Variants in AGMO observed in about 807,000 individuals in gnomAD.
AGMO encodes glyceryl-ether monooxygenase.
AGMO carries 75 observed loss-of-function variants against 60.2 expected under a neutral mutation model. That is an observed-to-expected ratio of 1.25 (90% CI 1.03 to 1.51). AGMO has a LOEUF of 1.51. Ranked by LOEUF, AGMO falls within the 40% of genes most tolerant of loss-of-function variation. AGMO has a pLI of 0.00. For synonymous variants in AGMO, 261 were observed against 177.1 expected (o/e 1.47, Z -3.76); for missense variants, 763 against 525.5 (o/e 1.45, Z -4.42).
At chr7:15,406,228 TACACACAC>T (rs61400312) in intron 5 of AGMO, among the ~76,000 whole-genome samples, 1 of 136,400 alleles carries the variant, frequency 7.3e-6, no homozygotes, top group South Asian at 2.3e-4. Context: ...TTGTTTGGAA[TACACACAC>T]ACACACACAC....
In AGMO at chr7:15,406,591, T is replaced by A. The variant is rs1784701423; in HGVS notation, c.609+11967A>T. ...ACACACACACACACACACACACACG[T>A]ATATTCCATATAAGTACACATGTAC... On this transcript the variant is annotated intron_variant, in intron 5 of 12. Transcript: ENST00000342526. Among the ~76,000 whole-genome samples, 3 of 84,248 alleles carry A rather than the reference T, an allele frequency of 3.6e-5. 1 individual carries two copies. The highest frequency in any genetic ancestry group is 5.1e-5 in the African/African-American group (1 of 19,732). 55.3% of individuals were successfully genotyped at this position (84,248 alleles called of 152,430 possible).
chr7:15,276,906 T>A (rs63327560), intron 12 of AGMO, among the ~76,000 whole-genome samples: 9 of 139,830 alleles, frequency 6.4e-5, no homozygotes, highest in Admixed American at 2.2e-4. Context: ...TTTTTTTTTT[T>A]AAGATATCTA....
chr7:15,452,067 A>G (rs1014731174), intron 3 of AGMO, among the ~76,000 whole-genome samples: 6 of 152,170 alleles, frequency 3.9e-5, no homozygotes, highest in Non-Finnish European at 8.8e-5. Flanking sequence ...GGATTCAAAT[A>G]TACAAGTACA....
At chr7:15,559,941 TA>T (rs1785257583) in intron 2 of AGMO, among the ~76,000 whole-genome samples, 199 bp downstream of exon 2, 1 of 152,044 alleles carries the variant, frequency 6.6e-6, no homozygotes, top group Non-Finnish European at 1.5e-5. Context: ...TCAAGATAAA[TA>T]ATGTTTGCGG....
intron 12 of AGMO, among the ~76,000 whole-genome samples, chr7:15,354,496 GTA>G (rs60044874): frequency 0.036 from 665 of 18,668 alleles, 18 homozygotes; most frequent in South Asian, 0.043. Flanking sequence ...ATACACACGT[GTA>G]TATATATATA....
chr7:15,356,233 A>G (rs1314531293), intron 12 of AGMO, among the ~76,000 whole-genome samples: 1 of 152,194 alleles, frequency 6.6e-6, no homozygotes, highest in African/African-American at 2.4e-5. Flanking sequence ...CATACATGCA[A>G]TGTGCACTAG....
At chr7:15,139,047 T>G in the AGMO span, among the ~76,000 whole-genome samples, 1 of 152,164 alleles carries the variant, frequency 6.6e-6, no homozygotes, top group Non-Finnish European at 1.5e-5. Flanking sequence ...TATCTGTGTC[T>G]TCCTATCTGC....
At chr7:15,131,163 A>C in the AGMO span, among the ~76,000 whole-genome samples, 13 of 152,162 alleles carry the variant, frequency 8.5e-5, no homozygotes. Context: ...GTCTCGGTTT[A>C]AACAATGATT....
At chr7:15,434,459 G>T (rs1450497808) in intron 3 of AGMO, among the ~76,000 whole-genome samples, 1 of 152,074 alleles carries the variant, frequency 6.6e-6, no homozygotes, top group Non-Finnish European at 1.5e-5. Context: ...TGTGTCTTGG[G>T]TGTCCTCTCA....
At position 15,560,232 on chromosome 7, in the gene AGMO, C is replaced by T; in HGVS notation, c.166G>A (p.Val56Ile). 6.2e-7 allele frequency: 1 copy of T among 1,612,758 alleles called. No individual in the cohort carries two copies. Among genetic ancestry groups the T allele is most frequent in the Non-Finnish European group, 8.5e-7 (1 of 1,179,144 alleles). ...TTTCCTTTGAGAATCCAGCTGACAACAAGTTCAAGCAGCATCAAAGAAATG... is the reference window on the plus strand; with the variant it reads ...TTTCCTTTGAGAATCCAGCTGACAATAAGTTCAAGCAGCATCAAAGAAATG... Reference protein sequence around the residue: ...FFISLMLLELVVSWILKGKPP... With the variant: ...FFISLMLLELIVSWILKGKPP... The change falls in exon 2 of 13, where the codon GTT (valine) becomes ATT (isoleucine). Residue 56 changes from valine to isoleucine, a missense_variant. Physicochemically the swap from Val to Ile is conservative, Grantham distance 29. Coordinates refer to ENST00000342526, the MANE Select transcript of AGMO (RefSeq NM_001004320.2).
chr7:15,354,434 GTGTA>G lies in AGMO; in HGVS notation c.1263+11076_1263+11079del, dbSNP rs1782413402. 6.2e-4 allele frequency among the ~76,000 whole-genome samples: 14 copies of G among 22,538 alleles called. 2 individuals carry two copies. The highest frequency in any genetic ancestry group is 1.3e-4 in the Non-Finnish European group (2 of 15,854). The allele number at this position is 22,538 out of a possible 152,430, so 14.8% of individuals were successfully genotyped here. Reference sequence around the variant, plus strand: ...CACGTGTGTGTATACACACACGTGTGTGTATACACACGTGTGTGTATACACACGT... The same window carrying G: ...CACGTGTGTGTATACACACACGTGTGTACACACGTGTGTGTATACACACGT... On this transcript the variant is annotated intron_variant, in intron 12 of 12. Coordinates refer to ENST00000342526, the MANE Select transcript of AGMO (RefSeq NM_001004320.2).
At chr7:15,358,864 C>T (rs796596961) in intron 12 of AGMO, among the ~76,000 whole-genome samples, 32 of 152,052 alleles carry the variant, frequency 2.1e-4, no homozygotes, top group African/African-American at 7.5e-4. Flanking sequence ...GGGATGATGA[C>T]CTAAATGTAA....
the AGMO span, among the ~76,000 whole-genome samples, chr7:15,120,762 TC>T: frequency 6.6e-5 from 10 of 151,970 alleles, no homozygotes; most frequent in Admixed American, 5.9e-4. Context: ...TTTCTTTCTT[TC>T]TTTTTTTTCT....
At chr7:15,206,489 C>G (rs75856101) in intron 12 of AGMO, among the ~76,000 whole-genome samples, 1,676 of 152,132 alleles carry the variant, frequency 0.011, 40 homozygotes, top group African/African-American at 0.039. Context: ...ACAATCACAG[C>G]TATGTTTAAT....
intron 3 of AGMO, among the ~76,000 whole-genome samples, chr7:15,458,272 T>C (rs761202786): frequency 7.9e-5 from 12 of 152,130 alleles, no homozygotes; most frequent in Non-Finnish European, 1.3e-4. Context: ...GTAGCAAAAA[T>C]CGGCATTAAT....
intron 3 of AGMO, among the ~76,000 whole-genome samples, chr7:15,459,329 G>A (rs73288499): frequency 0.16 from 23,950 of 152,002 alleles, 2,109 homozygotes; most frequent in African/African-American, 0.22. Context: ...CAAAAACAGC[G>A]TAAGTGATGC....
rs1432364787 is a variant in AGMO, at chr7:15,544,811, C to T, written c.370G>A (p.Val124Ile). The T allele has an allele frequency of 6.2e-7, 1 of 1,608,382 alleles. No individual in the cohort carries two copies. Among genetic ancestry groups the T allele is most frequent in the Admixed American group, 1.7e-5 (1 of 59,116 alleles). The change falls in exon 3 of 13, where the codon GTT (valine) becomes ATT (isoleucine). Residue 124 changes from valine (V) to isoleucine (I), a missense_variant. Val to Ile is a conservative substitution (Grantham distance 29). Transcript: ENST00000342526. Reference sequence around the variant, plus strand: ...TGGAACCAGTAGTAGCCAAAGTCAACTCCTAAGAAGGCTGAATACCAAGTC... The same window carrying T: ...TGGAACCAGTAGTAGCCAAAGTCAATTCCTAAGAAGGCTGAATACCAAGTC... ...PWTWYSAFLGVDFGYYWFHRM... is the reference protein window; with the variant it reads ...PWTWYSAFLGIDFGYYWFHRM...
chr7:15,253,127 G>C (rs1322785212), intron 12 of AGMO, among the ~76,000 whole-genome samples: 2 of 152,114 alleles, frequency 1.3e-5, no homozygotes, highest in Non-Finnish European at 2.9e-5. Context: ...GTTTTGAGAT[G>C]AAAGAAATAA....
chr7:15,317,060 C>CCA (rs1780947792), intron 12 of AGMO, among the ~76,000 whole-genome samples: 1 of 151,880 alleles, frequency 6.6e-6, no homozygotes. Flanking sequence ...AAAAATACTT[C>CCA]CAGTTTACAA....
Sources: allele counts gnomAD v4.1 joint callset (sites outside exome capture counted in the v4.1 genomes callset), GRCh38; gene constraint gnomAD v4.1.1; transcripts MANE v1.5; gene names NCBI Gene and HGNC (gene_info 2026-07-23, HGNC 2026-07-21).